Variants in SNW1 observed in about 807,000 individuals in gnomAD.
SNW1 encodes the protein SNW domain containing 1.
SNW1 carries 9 observed loss-of-function variants against 75.6 expected under a neutral mutation model. The observed-to-expected ratio is 0.12, with a 90% CI of 0.07 to 0.21. SNW1 has a LOEUF of 0.21. SNW1 is among the 10% of genes least tolerant of loss of function. SNW1 has a pLI of 1.00. For missense variants in SNW1, 409 were observed against 670.9 expected, an observed-to-expected ratio of 0.61 and a Z score of 4.31; for synonymous variants, 200 against 219.1, an observed-to-expected ratio of 0.91 and a Z score of 0.77.
intron 3 of SNW1, among the ~76,000 whole-genome samples, chr14:77,740,154 AAAAAGAG>A (rs1170192089): frequency 3.4e-5 from 3 of 89,458 alleles, no homozygotes; most frequent in Non-Finnish European, 2.2e-5. Flanking sequence ...AAAAAAAAAA[AAAAAGAG>A]AGAGATACAG....
At chr14:77,731,812 C>T (rs886449945) in intron 9 of SNW1, among the ~76,000 whole-genome samples, 1 of 152,158 alleles carries the variant, frequency 6.6e-6, no homozygotes, top group African/African-American at 2.4e-5. Context: ...GTTCTTGGCT[C>T]ACTGCAACCT....
intron 3 of SNW1, among the ~76,000 whole-genome samples, chr14:77,746,820 A>C (rs2139923371): frequency 6.6e-6 from 1 of 152,320 alleles, no homozygotes; most frequent in East Asian, 1.9e-4. Flanking sequence ...ACAGTTTCTA[A>C]GTTTGTATGT....
intron 7 of SNW1, among the ~76,000 whole-genome samples, chr14:77,735,720 A>T (rs986911444): frequency 2.0e-5 from 3 of 152,256 alleles, no homozygotes; most frequent in Admixed American, 6.5e-5. Context: ...GACCCTGTCC[A>T]TTCCATTAAA....
intron 9 of SNW1, among the ~76,000 whole-genome samples, chr14:77,731,886 A>G (rs992588122): frequency 1.4e-4 from 22 of 152,208 alleles, no homozygotes; most frequent in African/African-American, 4.6e-4. Context: ...TTACAGGTGC[A>G]TGCCACATCC....
At chr14:77,738,627 A>G in intron 5 of SNW1, 151 bp downstream of exon 5, 1 of 636,136 alleles carries the variant, frequency 1.6e-6, no homozygotes, top group Non-Finnish European at 2.7e-6. Flanking sequence ...TCTGCTTTCA[A>G]TTGTCTGCAA....
In SNW1 at chr14:77,760,701, CCACAGG is replaced by C. The variant is rs376619364; in HGVS notation, c.14+407_14+412del. On this transcript the variant is annotated intron_variant, in intron 1 of 13. Transcript: ENST00000261531. ...GTGGACAGCGAAAGGAGAGAGACCA[CCACAGG>C]CAAACGGCCGGAAAGCCGCGCAGTC... The C allele has an allele frequency of 8.6e-4, 604 of 702,398 alleles. 5 individuals are homozygous for C. The African/African-American group carries it at 9.7e-3, about 11-fold the overall frequency. The allele number at this position is 702,398 out of a possible 1,614,324, so 43.5% of individuals were successfully genotyped here.
At chr14:77,756,796 T>C (rs1455393837) in intron 1 of SNW1, among the ~76,000 whole-genome samples, 5 of 152,176 alleles carry the variant, frequency 3.3e-5, no homozygotes, top group African/African-American at 1.2e-4. Flanking sequence ...GGAGAATCAC[T>C]TGAATCCGGT....
In SNW1 at chr14:77,751,805, GACACACACACACACAC is replaced by G. The variant is rs61135876; in HGVS notation, c.169-341_169-326del. Among the ~76,000 whole-genome samples, 154 of 139,558 alleles carry G rather than the reference GACACACACACACACAC, an allele frequency of 1.1e-3. 2 individuals carry two copies. Among genetic ancestry groups the G allele is most frequent in the South Asian group, 8.2e-3 (33 of 4,046 alleles). The allele number at this position is 139,558 out of a possible 152,430, so 91.6% of individuals were successfully genotyped here. A position where few individuals can be genotyped will look rare whatever the true frequency, so the allele number is the denominator to read the frequency against. On this transcript the variant is annotated intron_variant, in intron 2 of 13. Transcript: ENST00000261531. ...AATGATTAGAAAGCAGTCATGGGAAGACACACACACACACACACACACACACACACACACACACACC... is the reference window on the plus strand; with the variant it reads ...AATGATTAGAAAGCAGTCATGGGAAGACACACACACACACACACACACACC...
Position 77,724,222 on chromosome 14 carries a change from A to G in SNW1, c.1034-945T>C, listed in dbSNP as rs576462009. Among the ~76,000 whole-genome samples, 7 of 152,314 alleles carry G rather than the reference A, an allele frequency of 4.6e-5. No individual in the cohort carries two copies. In the East Asian group the frequency reaches 1.3e-3, roughly 29 times the overall value. Reference sequence around the variant, plus strand: ...TATTTTTGATATATAATCATTATACATATTTATGGGGTATATATATTTGAT... The same window carrying G: ...TATTTTTGATATATAATCATTATACGTATTTATGGGGTATATATATTTGAT... On this transcript the variant is annotated intron_variant, in intron 10 of 13. Coordinates refer to ENST00000261531, the MANE Select transcript of SNW1 (RefSeq NM_012245.3).
chr14:77,722,335 A>G (rs1023104184), intron 11 of SNW1, among the ~76,000 whole-genome samples: 9 of 152,136 alleles, frequency 5.9e-5, no homozygotes, highest in Non-Finnish European at 1.0e-4. Flanking sequence ...AAATTTTCTC[A>G]AATTATTTTA....
At position 77,731,457 on chromosome 14, in the gene SNW1, T is replaced by C. The variant is rs150010949; in HGVS notation, c.892-328A>G. On this transcript the variant is annotated intron_variant, in intron 9 of 13. Transcript: ENST00000261531. ...GCATAGTGGCTCTCTCCTGCAATCCTAGCACTTTGGGAGGCCAGGGTGGAA... is the reference window on the plus strand; with the variant it reads ...GCATAGTGGCTCTCTCCTGCAATCCCAGCACTTTGGGAGGCCAGGGTGGAA... 1.2e-4 allele frequency among the ~76,000 whole-genome samples: 18 copies of C among 152,314 alleles called. No homozygotes were observed. In the East Asian group the frequency reaches 2.7e-3, roughly 23 times the overall value.
At chr14:77,732,086 T>A (rs2080632054) in intron 9 of SNW1, among the ~76,000 whole-genome samples, 1 of 152,250 alleles carries the variant, frequency 6.6e-6, no homozygotes, top group African/African-American at 2.4e-5. Flanking sequence ...TGGCCAATGC[T>A]ATGAACGCCA....
chr14:77,744,036 T>C (rs1311956755), intron 3 of SNW1, among the ~76,000 whole-genome samples: 1 of 151,286 alleles, frequency 6.6e-6, no homozygotes, highest in Non-Finnish European at 1.5e-5. Context: ...TGGCCGGGTG[T>C]AGTCGCTCAT....
chr14:77,738,925 C>G (rs763448793), intron 4 of SNW1, 41 bp from the exon 5 acceptor site: 1 of 1,609,124 alleles, frequency 6.2e-7, no homozygotes, highest in South Asian at 1.1e-5. Context: ...GGAAGTTAAT[C>G]AGGATGTAAA....
intron 3 of SNW1, among the ~76,000 whole-genome samples, chr14:77,745,576 G>A (rs549527298): frequency 4.6e-5 from 7 of 152,020 alleles, no homozygotes; most frequent in Non-Finnish European, 8.8e-5. Context: ...GCATGGTGGC[G>A]GGCGCCTGTA....
rs776749739 is a variant in SNW1 at position 77,718,244 on chromosome 14, C to T, written c.1455G>A (p.Gln485=). Residue 485 remains glutamine, a synonymous_variant, in exon 14 of 14, where the codon CAG becomes CAA. Coordinates refer to ENST00000261531, the MANE Select transcript of SNW1 (RefSeq NM_012245.3). ...DKEFSGSDRR[Q]RGREGPVQFE... ...ACTGCACTGGTCCTTCTCGGCCTCT[C>T]TGTCTACGGTCTGAACCAGAAAACT... 3.1e-6 allele frequency: 5 copies of T among 1,613,334 alleles called. No individual in the cohort carries two copies. Among genetic ancestry groups the T allele is most frequent in the Non-Finnish European group, 4.2e-6 (5 of 1,179,628 alleles).
Position 77,738,858 on chromosome 14 carries a change from T to C in SNW1, c.453A>G (p.Leu151=), listed in dbSNP as rs778773493. The C allele has an allele frequency of 1.9e-6, 3 of 1,614,224 alleles. No homozygotes were observed. Among genetic ancestry groups the C allele is most frequent in the South Asian group, 1.1e-5 (1 of 91,088 alleles). Residue 151 remains leucine, a synonymous_variant, in exon 5 of 14, where the codon TTA becomes TTG. Transcript: ENST00000261531. ...CGACCTTCTGTGATACAGATTTTTCTAAGGCTACTCTTGTCTTTTCTGTTA... is the reference window on the plus strand; with the variant it reads ...CGACCTTCTGTGATACAGATTTTTCCAAGGCTACTCTTGTCTTTTCTGTTA... ...KEITEKTRVA[L]EKSVSQKVAA... is the part of the protein sequence containing the mutation.
At chr14:77,760,266 G>A (rs2080876589) in intron 1 of SNW1, among the ~76,000 whole-genome samples, 1 of 152,082 alleles carries the variant, frequency 6.6e-6, no homozygotes, top group African/African-American at 2.4e-5. Context: ...AAAAACATGC[G>A]TGAGGAGAAT....
rs192570485 is a variant in SNW1, at chr14:77,738,037, G to T, written c.533+741C>A. ...AAAATAGCATAGGCTGGGCACAGTG[G>T]CTCACGCCTATAATCCCAGCACTTT... On this transcript the variant is annotated intron_variant, in intron 5 of 13. Transcript: ENST00000261531. Among the ~76,000 whole-genome samples the T allele has an allele frequency of 5.3e-4, 79 of 150,226 alleles. 1 individual carries two copies. The highest frequency in any genetic ancestry group is 1.9e-3 in the African/African-American group (79 of 40,794).
Sources: gnomAD v4.1 joint callset for allele counts (sites outside exome capture counted in the v4.1 genomes callset) on GRCh38, gnomAD v4.1.1 for gene constraint, MANE v1.5 for transcripts, NCBI Gene and HGNC (gene_info 2026-07-23, HGNC 2026-07-21) for gene names.